SQOR: variants seen among roughly 807,000 people sequenced by gnomAD.
The protein encoded by SQOR is sulfide quinone oxidoreductase, also known as sulfide:quinone oxidoreductase, mitochondrial.
SQOR carries 39 observed loss-of-function variants against 48.6 expected under a neutral mutation model. The ratio of observed to expected loss-of-function variants is 0.80; its 90% CI spans 0.62 to 1.05. The LOEUF is 1.05. Among genes scored for constraint, SQOR ranks in the 50% least tolerant of loss-of-function variants. The probability of loss-of-function intolerance (pLI) is 0.00; values close to 1 mark genes in which losing one functional copy is unlikely to be tolerated. For missense variants in SQOR, 561 were observed against 559.9 expected, an observed-to-expected ratio of 1.00 and a Z score of -0.02; for synonymous variants, 220 against 206.2, an observed-to-expected ratio of 1.07 and a Z score of -0.57.
intron 1 of SQOR, among the ~76,000 whole-genome samples, chr15:45,637,124 C>A (rs886753434): frequency 6.6e-6 from 1 of 151,938 alleles, no homozygotes; most frequent in African/African-American, 2.4e-5. Flanking sequence ...TGGGATTACA[C>A]CAGCCACCCA....
chr15:45,650,261 G>A (rs565053524), intron 1 of SQOR, among the ~76,000 whole-genome samples: 9 of 152,272 alleles, frequency 5.9e-5, no homozygotes, highest in East Asian at 1.9e-4. Context: ...TACTGTGTCC[G>A]GAATTGGTGG....
intron 1 of SQOR, among the ~76,000 whole-genome samples, chr15:45,649,721 G>C (rs1889429015): frequency 6.6e-6 from 1 of 152,148 alleles, no homozygotes; most frequent in Non-Finnish European, 1.5e-5. Flanking sequence ...GGCCTGAGGT[G>C]ATCTACCTGA....
At chr15:45,659,801 A>G (rs1329845489) in intron 2 of SQOR, among the ~76,000 whole-genome samples, 2 of 152,244 alleles carry the variant, frequency 1.3e-5, no homozygotes. Context: ...ATAAGGTTAC[A>G]TTCCCAGGTA....
chr15:45,675,062 A>G (rs1456949814), intron 5 of SQOR, among the ~76,000 whole-genome samples: 1 of 152,198 alleles, frequency 6.6e-6, no homozygotes, highest in African/African-American at 2.4e-5. Context: ...AAGAAAGTTC[A>G]TTCTGGGTCA....
At chr15:45,670,250 T>C (rs1889914905) in intron 4 of SQOR, among the ~76,000 whole-genome samples, 1 of 152,242 alleles carries the variant, frequency 6.6e-6, no homozygotes, top group South Asian at 2.1e-4. Flanking sequence ...AGCAGTTTTC[T>C]TTCCACATTT....
chr15:45,653,982 C>T (rs1889545752), intron 1 of SQOR, among the ~76,000 whole-genome samples: 1 of 151,900 alleles, frequency 6.6e-6, no homozygotes, highest in Non-Finnish European at 1.5e-5. Context: ...ATTAGCCAGG[C>T]ATGGTGGTTT....
intron 1 of SQOR, among the ~76,000 whole-genome samples, chr15:45,646,748 A>G (rs1889347710): frequency 6.6e-6 from 1 of 152,192 alleles, no homozygotes; most frequent in African/African-American, 2.4e-5. Context: ...ATGCCCATAT[A>G]TATCCATCCA....
Position 45,662,025 on chromosome 15 carries a change from C to G in SQOR, c.305C>G (p.Pro102Arg). 6.2e-7 allele frequency: 1 copy of G among 1,614,176 alleles called. No homozygotes were observed. The highest frequency in any genetic ancestry group is 2.2e-5 in the East Asian group (1 of 44,890). The part of the protein sequence containing the change: ...GAKQLSSSGR[P>R]TASVIPSGVE... Reference sequence around the variant, plus strand: ...AAACAATTGTCCTCATCTGGTCGTCCCACGGCAAGTGTGATTCCATCTGGT... The same window carrying G: ...AAACAATTGTCCTCATCTGGTCGTCGCACGGCAAGTGTGATTCCATCTGGT... The change falls in exon 3 of 10, where the codon CCC becomes CGC. Residue 102 changes from proline (P) to arginine (R), a missense_variant. By Grantham distance (103) the Pro-to-Arg change is moderately radical (BLOSUM62 -2). Transcript: ENST00000260324.
intron 1 of SQOR, among the ~76,000 whole-genome samples, chr15:45,640,816 C>T (rs1036462080): frequency 1.3e-5 from 2 of 152,122 alleles, no homozygotes; most frequent in Non-Finnish European, 2.9e-5. Context: ...ACACTGATTC[C>T]ACCTCAGGCT....
At chr15:45,690,626 A>G (rs764064590) in intron 9 of SQOR, among the ~76,000 whole-genome samples, 35 of 152,158 alleles carry the variant, frequency 2.3e-4, no homozygotes, top group Admixed American at 2.6e-4. Context: ...GCAAAGAATT[A>G]TCTGGTCCAA....
chr15:45,672,236 C>T (rs1370564410), intron 4 of SQOR, among the ~76,000 whole-genome samples: 1 of 152,080 alleles, frequency 6.6e-6, no homozygotes, highest in Non-Finnish European at 1.5e-5. Context: ...GTGTCTGGTT[C>T]TTTAAGATTC....
chr15:45,662,226 T>C (rs1889733457), intron 3 of SQOR, 101 bp downstream of exon 3: 4 of 1,188,690 alleles, frequency 3.4e-6, no homozygotes, highest in African/African-American at 3.0e-5. Flanking sequence ...GCGGTATATA[T>C]GCATGTGTGT....
chr15:45,664,647 T>A (rs1889782051), intron 3 of SQOR, among the ~76,000 whole-genome samples: 1 of 152,096 alleles, frequency 6.6e-6, no homozygotes, highest in Non-Finnish European at 1.5e-5. Flanking sequence ...GCATTTGCCT[T>A]TTTCGTGACA....
chr15:45,661,290 T>TAAAA (rs34286267), intron 2 of SQOR, among the ~76,000 whole-genome samples: 12 of 67,518 alleles, frequency 1.8e-4, no homozygotes, highest in South Asian at 1.2e-3. Flanking sequence ...GACTCTGTCT[T>TAAAA]AAAAAAAAAA....
Position 45,659,138 on chromosome 15 carries a change from C to A in SQOR, c.215C>A (p.Ala72Asp). 1 of 1,549,850 alleles carries A rather than the reference C, an allele frequency of 6.5e-7. No individual in the cohort carries two copies. The highest frequency in any genetic ancestry group is 8.7e-7 in the Non-Finnish European group (1 of 1,144,306). ...AGGAAAGTGGGTGCAGAGAATGTGG[C>A]CATTGTTGAGCCCAGTGAGGTAAGC... is the stretch of plus-strand genomic sequence containing the variant. ...MKRKVGAENV[A>D]IVEPSERHFY... The change falls in exon 2 of 10, where the codon GCC becomes GAC. Residue 72 changes from alanine to aspartate, a missense_variant. Transcript: ENST00000260324.
At chr15:45,644,227 A>G (rs1895159814) in intron 1 of SQOR, among the ~76,000 whole-genome samples, 1 of 151,970 alleles carries the variant, frequency 6.6e-6, no homozygotes, top group South Asian at 2.1e-4. Context: ...AGCTGGGATT[A>G]CAGGCACCCG....
chr15:45,634,398 T>C (rs1161956146), upstream of SQOR, among the ~76,000 whole-genome samples: 1 of 151,612 alleles, frequency 6.6e-6, no homozygotes, highest in Non-Finnish European at 1.5e-5. Context: ...GGAGAACCAC[T>C]CACTGAGACT....
chr15:45,677,867 A>C (rs28876107), intron 6 of SQOR, among the ~76,000 whole-genome samples: 13,273 of 152,002 alleles, frequency 0.087, 696 homozygotes, highest in African/African-American at 0.14. Context: ...TGCCCGGCTA[A>C]TTTTTTTATT....
In SQOR at chr15:45,670,596, A is replaced by T. The variant is rs548780667; in HGVS notation, c.459+615A>T. On this transcript the variant is annotated intron_variant, in intron 4 of 9. Transcript: ENST00000260324. ...TAAATCGGTAAATATTATCATTTCCAGAAGGTTGTTGGGGACTACAGATAA... is the reference window on the plus strand; with the variant it reads ...TAAATCGGTAAATATTATCATTTCCTGAAGGTTGTTGGGGACTACAGATAA... 9.2e-5 allele frequency among the ~76,000 whole-genome samples: 14 copies of T among 152,346 alleles called. No homozygotes were observed. In the South Asian group the frequency reaches 2.7e-3, roughly 29 times the overall value.
Sources: allele counts gnomAD v4.1 joint callset (sites outside exome capture counted in the v4.1 genomes callset), GRCh38; gene constraint gnomAD v4.1.1; transcripts MANE v1.5; gene names NCBI Gene and HGNC (gene_info 2026-07-23, HGNC 2026-07-21).